Variants in TMEM50B observed in about 807,000 individuals in gnomAD.
The protein encoded by TMEM50B is HCV p7-trans-regulated protein 3.
In TMEM50B, 14 loss-of-function variants were observed where a neutral mutation model predicts 23.4. The ratio of observed to expected loss-of-function variants is 0.60; its 90% CI spans 0.39 to 0.93. The LOEUF is 0.93. Among genes scored for constraint, TMEM50B ranks in the 40% least tolerant of loss-of-function variants. The pLI is 0.00. For synonymous variants in TMEM50B, 64 were observed against 62.3 expected (o/e 1.03, Z -0.13); for missense variants, 159 against 193.0 (o/e 0.82, Z 1.04).
intron 3 of TMEM50B, among the ~76,000 whole-genome samples, chr21:33,465,663 G>A (rs1271882183): frequency 6.6e-6 from 1 of 152,128 alleles, no homozygotes; most frequent in Non-Finnish European, 1.5e-5. Flanking sequence ...TTATACAAGA[G>A]GGACCAGTTT....
chr21:33,432,800 G>C (rs1169604722), exon 9 of TMEM50B: 1 of 1,613,672 alleles, frequency 6.2e-7, no homozygotes, highest in African/African-American at 1.3e-5. Context: ...TTTCTTCCTG[G>C]TCCTGAAATA....
At chr21:33,450,973 T>A (rs2084114736) in intron 6 of TMEM50B, 110 bp from the exon 7 acceptor site, 2 of 881,494 alleles carry the variant, frequency 2.3e-6, no homozygotes, top group Admixed American at 2.6e-5. Context: ...CTATCAATTT[T>A]AAAAATTAAA....
intron 7 of TMEM50B, among the ~76,000 whole-genome samples, chr21:33,442,441 G>A (rs1158555491): frequency 6.6e-6 from 1 of 152,090 alleles, no homozygotes; most frequent in African/African-American, 2.4e-5. Flanking sequence ...TCTGGTCAGG[G>A]CAACTTGCCA....
chr21:33,466,913 C>G (rs1202714300), intron 3 of TMEM50B, 97 bp downstream of exon 3: 8 of 899,444 alleles, frequency 8.9e-6, no homozygotes, highest in Non-Finnish European at 1.3e-5. Flanking sequence ...AATAGTCTAT[C>G]AAATAAATTA....
intron 7 of TMEM50B, among the ~76,000 whole-genome samples, chr21:33,441,271 C>G (rs372459609): frequency 1.3e-4 from 20 of 152,128 alleles, no homozygotes; most frequent in African/African-American, 2.6e-4. Flanking sequence ...TTTAAAGAAG[C>G]CTGCATAGTC....
chr21:33,460,297 C>T (rs2123433472), intron 5 of TMEM50B, 116 bp downstream of exon 5: 2 of 718,042 alleles, frequency 2.8e-6, no homozygotes, highest in South Asian at 3.1e-5. Flanking sequence ...TCACACAGAG[C>T]AGTATCTTCA....
At chr21:33,445,361 T>A (rs1182957113), downstream of TMEM50B, among the ~76,000 whole-genome samples, 2 of 152,256 alleles carry the variant, frequency 1.3e-5, no homozygotes, top group African/African-American at 4.8e-5. Context: ...CTAAGTAAAA[T>A]TACTTAAGCT....
At chr21:33,440,310 G>A (rs2083996464) in intron 7 of TMEM50B, among the ~76,000 whole-genome samples, 1 of 152,068 alleles carries the variant, frequency 6.6e-6, no homozygotes, top group Admixed American at 6.6e-5. Flanking sequence ...AAGGTAAGCT[G>A]CGTGTAGTGG....
intron 1 of TMEM50B, among the ~76,000 whole-genome samples, chr21:33,476,501 C>G (rs1260844677): frequency 6.6e-6 from 1 of 152,128 alleles, no homozygotes; most frequent in African/African-American, 2.4e-5. Context: ...GTGGCTCACA[C>G]CTGTAATCCC....
intron 6 of TMEM50B, among the ~76,000 whole-genome samples, chr21:33,454,394 G>A (rs551297432): frequency 5.6e-4 from 85 of 152,038 alleles, no homozygotes; most frequent in African/African-American, 1.9e-3. Context: ...CGTGTCTCCT[G>A]GGTTCAAGTG....
chr21:33,440,043 C>T (rs1374904096), intron 7 of TMEM50B, among the ~76,000 whole-genome samples: 2 of 152,124 alleles, frequency 1.3e-5, no homozygotes, highest in East Asian at 3.9e-4. Context: ...AAGACTCTGT[C>T]TCAAGAAAAA....
At chr21:33,457,013 G>C (rs916460289) in intron 5 of TMEM50B, among the ~76,000 whole-genome samples, 2 of 152,290 alleles carry the variant, frequency 1.3e-5, no homozygotes, top group East Asian at 3.9e-4. Flanking sequence ...CCAGCACTTT[G>C]GGGGGCCGAG....
At chr21:33,476,950 C>T (rs1432179994) in intron 1 of TMEM50B, among the ~76,000 whole-genome samples, 1 of 151,728 alleles carries the variant, frequency 6.6e-6, no homozygotes, top group African/African-American at 2.4e-5. Flanking sequence ...AATAAGGAAC[C>T]AAAAAATGTA....
intron 8 of TMEM50B, among the ~76,000 whole-genome samples, chr21:33,435,620 C>T (rs2083938315): frequency 6.6e-6 from 1 of 152,072 alleles, no homozygotes; most frequent in African/African-American, 2.4e-5. Context: ...TGAGGTGGCT[C>T]ATGCCTGTAA....
chr21:33,458,116 GCTAATTTAT>G (rs1359848304), intron 5 of TMEM50B, among the ~76,000 whole-genome samples: 1 of 152,178 alleles, frequency 6.6e-6, no homozygotes, highest in Non-Finnish European at 1.5e-5. Context: ...TGCTCAAATT[GCTAATTTAT>G]CTAAAGTTTT....
chr21:33,442,651 T>C (rs540848856), intron 7 of TMEM50B, among the ~76,000 whole-genome samples: 1 of 152,072 alleles, frequency 6.6e-6, no homozygotes, highest in South Asian at 2.1e-4. Flanking sequence ...CCAGGCGCGC[T>C]GGCTCATGCC....
At chr21:33,433,617 G>A (rs569331545) in intron 8 of TMEM50B, among the ~76,000 whole-genome samples, 4 of 152,120 alleles carry the variant, frequency 2.6e-5, no homozygotes, top group African/African-American at 9.6e-5. Flanking sequence ...GGAGGGAAGT[G>A]GGAAGTTCGT....
At chr21:33,470,542 T>TA (rs1165498300) in intron 1 of TMEM50B, among the ~76,000 whole-genome samples, 1 of 148,126 alleles carries the variant, frequency 6.8e-6, no homozygotes, top group Non-Finnish European at 1.5e-5. Context: ...CCATCCTGGC[T>TA]AACATGGTGA....
intron 3 of TMEM50B, among the ~76,000 whole-genome samples, chr21:33,466,116 C>G (rs1601127742): frequency 6.6e-6 from 1 of 152,004 alleles, no homozygotes; most frequent in South Asian, 2.1e-4. Flanking sequence ...AAAAAATTAG[C>G]TGGGCGTAGT....
Sources: gnomAD v4.1 joint callset for allele counts (sites outside exome capture counted in the v4.1 genomes callset) on GRCh38, gnomAD v4.1.1 for gene constraint, MANE v1.5 for transcripts, NCBI Gene and HGNC (gene_info 2026-07-23, HGNC 2026-07-21) for gene names.